Variants in GNAS observed in about 807,000 individuals in gnomAD.
The protein encoded by GNAS is protein ALEX.
Under a neutral mutation model 54.5 loss-of-function variants are expected in GNAS, and 8 were observed. The ratio of observed to expected loss-of-function variants is 0.15; its 90% CI spans 0.09 to 0.26. The LOEUF (loss-of-function observed/expected upper bound fraction) is 0.26, where lower values mean the gene tolerates loss of function less well. Among genes scored for constraint, GNAS ranks in the 10% least tolerant of loss-of-function variants. The pLI, the probability that GNAS is intolerant of heterozygous loss-of-function variation, is 1.00. For synonymous variants in GNAS, 204 were observed against 191.4 expected (o/e 1.07, Z -0.54); for missense variants, 170 against 529.8 (o/e 0.32, Z 6.67).
rs1366328841 is a variant in GNAS, at chr20:58,873,220, G to A, written c.44-22392G>A. ...TCATTCACAAATATGTTTATAAAAT[G>A]GGCCTTCTGTGACATTTTGGAATTG... On this transcript the variant is annotated intron_variant, in intron 1 of 12. Coordinates refer to the GNAS transcript ENST00000306090. The surrounding 1 kb of genome is among the most constrained non-coding windows in gnomAD (Gnocchi z 4.3). Among the ~76,000 whole-genome samples, 1 of 152,008 alleles carries A rather than the reference G, an allele frequency of 6.6e-6. No homozygotes were observed. The highest frequency in any genetic ancestry group is 1.5e-5 in the Non-Finnish European group (1 of 68,016).
chr20:58,909,158 C>T lies in GNAS; in HGVS notation c.531-4C>T, dbSNP rs1354179614. 1.2e-6 allele frequency: 2 copies of T among 1,613,700 alleles called. No individual in the cohort carries two copies. Among genetic ancestry groups the T allele is most frequent in the African/African-American group, 1.3e-5 (1 of 74,906 alleles). On this transcript the variant is annotated splice_polypyrimidine_tract_variant and splice_region_variant and intron_variant, in intron 6 of 12. Transcript: ENST00000371085. This position sits in a 1 kb window ranked among gnomAD's most constrained non-coding sequence, Gnocchi z 7.3. ...CACCCCACGTGTCTTTCTTTTTCTC[C>T]CAGCTTCCTGGACAAGATCGACGTG...
intron 1 of GNAS, among the ~76,000 whole-genome samples, chr20:58,880,416 G>A (rs1403040457): frequency 6.6e-6 from 1 of 152,130 alleles, no homozygotes; most frequent in Non-Finnish European, 1.5e-5. Context: ...TGTGTTTTCA[G>A]CAGTTTACCA....
rs777724027 is a variant in GNAS at position 58,854,919 on chromosome 20, C to A, written c.43+14033C>A. 11 of 1,598,916 alleles carry A rather than the reference C, an allele frequency of 6.9e-6. No individual in the cohort carries two copies. The Middle Eastern group carries it at 9.9e-4, about 144-fold the overall frequency. On this transcript the variant is annotated intron_variant, in intron 1 of 12. Coordinates refer to the GNAS transcript ENST00000306090. ...GCGGCCTACTCGCGCGTCTGCCTGG[C>A]GGGGCAAGTCCGAGAGCAGCCGCGG...
chr20:58,882,262 G>A (rs2088280926), intron 1 of GNAS, among the ~76,000 whole-genome samples: 1 of 152,120 alleles, frequency 6.6e-6, no homozygotes, highest in Non-Finnish European at 1.5e-5. Context: ...GTAGAGACGG[G>A]GTTTCACCAT....
chr20:58,839,797 T>C (rs369024311), upstream of GNAS: 81 of 577,848 alleles, frequency 1.4e-4, 1 homozygote, highest in African/African-American at 1.1e-3. Flanking sequence ...GGCACCTCTC[T>C]CGAGTCTTAG....
intron 6 of GNAS, 194 bp from the exon 7 acceptor site, chr20:58,908,968 T>G: frequency 1.4e-6 from 1 of 736,436 alleles, no homozygotes; most frequent in Non-Finnish European, 2.5e-6. Context: ...AAATCCTGTT[T>G]GCCCTAACCT....
rs1245957971 is a variant in GNAS at position 58,891,651 on chromosome 20, C to T, written c.-76C>T. 10 of 971,820 alleles carry T rather than the reference C, an allele frequency of 1.0e-5. No homozygotes were observed. The highest frequency in any genetic ancestry group is 2.4e-4 in the East Asian group (2 of 8,190). 60.2% of individuals were successfully genotyped at this position (971,820 alleles called of 1,614,324 possible). The stretch of plus-strand genomic sequence containing the variant: ...CCCGCCCGCCCGGCGCTGCCCCGGC[C>T]CTCCCGGCCCGCGTGAGGCCGCCCG... On this transcript the variant is annotated 5_prime_UTR_variant, in exon 1 of 13. Transcript: ENST00000371085.
At position 58,868,023 on chromosome 20, in the gene GNAS, T is replaced by TTC. The variant is rs1555877207; in HGVS notation, c.43+27138_43+27139insCT. 5.5e-4 allele frequency among the ~76,000 whole-genome samples: 61 copies of TTC among 111,048 alleles called. 2 individuals carry two copies. Among genetic ancestry groups the TTC allele is most frequent in the South Asian group, 1.6e-3 (6 of 3,700 alleles). The allele number at this position is 111,048 out of a possible 152,430, so 72.9% of individuals were successfully genotyped here. A position where few individuals can be genotyped will look rare whatever the true frequency, so the allele number is the denominator to read the frequency against. On this transcript the variant is annotated intron_variant, in intron 1 of 12. Transcript: ENST00000306090. Reference sequence around the variant, plus strand: ...GACACCTCTCCTGTTTCTTTCTTTCTTTTTTTTTTTTTTTTGAGATGGAGT... The same window carrying TTC: ...GACACCTCTCCTGTTTCTTTCTTTCTTCTTTTTTTTTTTTTTTGAGATGGAGT...
chr20:58,866,541 T>C (rs1395721219), intron 1 of GNAS, among the ~76,000 whole-genome samples: 1 of 152,264 alleles, frequency 6.6e-6, no homozygotes, highest in Non-Finnish European at 1.5e-5. Context: ...TCTAAGCCCC[T>C]AATTTGCATC....
chr20:58,852,815 G>A (rs1158861105), intron 1 of GNAS: 1 of 231,626 alleles, frequency 4.3e-6, no homozygotes, highest in Non-Finnish European at 8.4e-6. Flanking sequence ...GGCCCCTGGC[G>A]CCAGGAGCAG....
In GNAS at chr20:58,909,781, C is replaced by T. The variant is rs760434681; in HGVS notation, c.816C>T (p.Leu272=). Residue 272 remains leucine (L), a synonymous_variant, in exon 10 of 13, where the codon CTC becomes CTT. Transcript: ENST00000371085. The surrounding 1 kb of genome is among the most constrained non-coding windows in gnomAD (Gnocchi z 7.3). The part of the protein sequence containing the change: ...QTNRLQEALN[L]FKSIWNNRWL... Reference sequence around the variant, plus strand: ...ACCGCCTGCAGGAGGCTCTGAACCTCTTCAAGAGCATCTGGAACAACAGGT... The same window carrying T: ...ACCGCCTGCAGGAGGCTCTGAACCTTTTCAAGAGCATCTGGAACAACAGGT... 1.9e-6 allele frequency: 3 copies of T among 1,613,698 alleles called. No individual in the cohort carries two copies. Among genetic ancestry groups the T allele is most frequent in the Non-Finnish European group, 8.5e-7 (1 of 1,180,000 alleles).
chr20:58,877,794 A>G (rs906428317), intron 1 of GNAS, among the ~76,000 whole-genome samples: 1 of 152,254 alleles, frequency 6.6e-6, no homozygotes, highest in African/African-American at 2.4e-5. Flanking sequence ...GATTGGAGGC[A>G]TGGGGTCCAC....
intron 5 of GNAS, among the ~76,000 whole-genome samples, chr20:58,904,544 A>C (rs1287801599): frequency 1.3e-5 from 2 of 152,212 alleles, no homozygotes; most frequent in Non-Finnish European, 2.9e-5. Flanking sequence ...ATAAGCGGGG[A>C]ACGGGAAACG....
rs752723364 is a variant in GNAS at position 58,909,159 on chromosome 20, C to G, written c.531-3C>G. 8 of 1,613,700 alleles carry G rather than the reference C, an allele frequency of 5.0e-6. No homozygotes were observed. In the East Asian group the frequency reaches 1.8e-4, roughly 36 times the overall value. The stretch of plus-strand genomic sequence containing the variant: ...ACCCCACGTGTCTTTCTTTTTCTCC[C>G]AGCTTCCTGGACAAGATCGACGTGA... On this transcript the variant is annotated splice_polypyrimidine_tract_variant and splice_region_variant and intron_variant, in intron 6 of 12. Coordinates refer to ENST00000371085, the MANE Select transcript of GNAS (RefSeq NM_000516.7). The surrounding 1 kb of genome is among the most constrained non-coding windows in gnomAD (Gnocchi z 7.3).
intron 1 of GNAS, among the ~76,000 whole-genome samples, chr20:58,859,370 G>C (rs1374276054): frequency 2.0e-5 from 3 of 151,832 alleles, no homozygotes; most frequent in African/African-American, 7.3e-5. Context: ...CTGGCTAATT[G>C]TTTGTATTTT....
In GNAS at chr20:58,853,357, T is replaced by G; in HGVS notation, c.43+12471T>G. The stretch of plus-strand genomic sequence containing the variant: ...GGGGAACAGCCCGAGCAACCACCTT[T>G]GGAGGCCCCAGGGGCAGCTGCCCCC... On this transcript the variant is annotated intron_variant, in intron 1 of 12. Transcript: ENST00000306090. This position sits in a 1 kb window ranked among gnomAD's most constrained non-coding sequence, Gnocchi z 4.4. 3 of 1,552,532 alleles carry G rather than the reference T, an allele frequency of 1.9e-6. No homozygotes were observed. Among genetic ancestry groups the G allele is most frequent in the Non-Finnish European group, 8.7e-7 (1 of 1,148,100 alleles).
chr20:58,905,656 TA>T (rs2090992773), intron 6 of GNAS, among the ~76,000 whole-genome samples, 176 bp downstream of exon 6: 1 of 152,170 alleles, frequency 6.6e-6, no homozygotes, highest in African/African-American at 2.4e-5. Context: ...ATAAAGTCCT[TA>T]ATTGCATTTT....
In GNAS at chr20:58,840,979, G is replaced by A. The variant is rs1307902400; in HGVS notation, c.43+93G>A. ...TGAGAAGGAAAGGCAGGTCAGGGGC[G>A]AGTGGGAAGAGAGGAGGCTCAGCTG... is the stretch of plus-strand genomic sequence containing the variant. On this transcript the variant is annotated intron_variant, in intron 1 of 12. Transcript: ENST00000306090. This position sits in a 1 kb window ranked among gnomAD's most constrained non-coding sequence, Gnocchi z 6.0. 1.2e-5 allele frequency: 16 copies of A among 1,346,882 alleles called. No individual in the cohort carries two copies. In the East Asian group the frequency reaches 3.2e-4, roughly 27 times the overall value. The allele number at this position is 1,346,882 out of a possible 1,614,324, so 83.4% of individuals were successfully genotyped here.
Position 58,898,626 on chromosome 20 carries a change from C to T in GNAS, c.213-315C>T, listed in dbSNP as rs990219491. On this transcript the variant is annotated intron_variant, in intron 2 of 12. Coordinates refer to ENST00000371085, the MANE Select transcript of GNAS (RefSeq NM_000516.7). ...TGAGATAAATCACTGCTTTAGCTCC[C>T]TAATGCGTGTACGTTTAGTGAAAGC... is the stretch of plus-strand genomic sequence containing the variant. 117 of 489,132 alleles carry T rather than the reference C, an allele frequency of 2.4e-4. No homozygotes were observed. The South Asian group carries it at 2.9e-3, about 12-fold the overall frequency. 30.3% of individuals were successfully genotyped at this position (489,132 alleles called of 1,614,324 possible).
Sources: gnomAD v4.1 joint callset for allele counts (sites outside exome capture counted in the v4.1 genomes callset) on GRCh38, gnomAD v4.1.1 for gene constraint, Gnocchi (gnomAD v3.1) non-coding constraint, MANE v1.5 for transcripts, NCBI Gene and HGNC (gene_info 2026-07-23, HGNC 2026-07-21) for gene names.